The following APIP variants were observed in gnomAD, a reference collection of about 807,000 sequenced individuals.
The protein encoded by APIP is methylthioribulose-1-phosphate dehydratase.
APIP carries 32 observed loss-of-function variants against 32.0 expected under a neutral mutation model. The ratio of observed to expected loss-of-function variants is 1.00; its 90% CI spans 0.76 to 1.34. The LOEUF (loss-of-function observed/expected upper bound fraction) is 1.34, where lower values mean the gene tolerates loss of function less well. APIP is among the 40% of genes most tolerant of loss of function. APIP has a pLI of 0.00. For missense variants in APIP, 247 were observed against 298.6 expected (o/e 0.83, Z 1.27); for synonymous variants, 92 against 94.8 (o/e 0.97, Z 0.17).
chr11:34,916,171 G>C lies in APIP; in HGVS notation c.57+57C>G, dbSNP rs988171497. 145 of 1,572,700 alleles carry C rather than the reference G, an allele frequency of 9.2e-5. No individual in the cohort carries two copies. The highest frequency in any genetic ancestry group is 1.2e-4 in the Non-Finnish European group (140 of 1,161,368). On this transcript the variant is annotated intron_variant, in intron 1 of 6. Transcript: ENST00000395787. ...ACCCTGCGCCCAGCTCCAGCCGCCGGGTCCCGCCTGGGCCTCTCCTCCTGG... is the reference window on the plus strand; with the variant it reads ...ACCCTGCGCCCAGCTCCAGCCGCCGCGTCCCGCCTGGGCCTCTCCTCCTGG...
chr11:34,913,051 C>T (rs7484223), intron 1 of APIP, among the ~76,000 whole-genome samples: 26 of 152,168 alleles, frequency 1.7e-4, no homozygotes, highest in African/African-American at 6.3e-4. Flanking sequence ...TTTCTCACTA[C>T]ACACATCTAA....
chr11:34,886,310 A>G (rs535206810), intron 5 of APIP, among the ~76,000 whole-genome samples: 1 of 152,122 alleles, frequency 6.6e-6, no homozygotes, highest in South Asian at 2.1e-4. Flanking sequence ...AGATTTTAAC[A>G]AAAAAAATTT....
At chr11:34,908,532 C>CCCT (rs1853492238) in intron 1 of APIP, among the ~76,000 whole-genome samples, 1 of 152,210 alleles carries the variant, frequency 6.6e-6, no homozygotes, top group Non-Finnish European at 1.5e-5. Flanking sequence ...CACTTAAAAA[C>CCCT]CCTCCTCCTC....
rs1853117322 is a variant in APIP at position 34,888,358 on chromosome 11, C to T, written c.396G>A (p.Glu132=). The T allele has an allele frequency of 1.9e-6, 3 of 1,610,854 alleles. No individual in the cohort carries two copies. Among genetic ancestry groups the T allele is most frequent in the African/African-American group, 1.3e-5 (1 of 74,732 alleles). The change falls in exon 5 of 7, where the codon GAG becomes GAA. Residue 132 remains glutamate, a synonymous_variant. Transcript: ENST00000395787. ...VMATLLFPGR[E]FKITHQEMIK... ...TCATCTCTTGATGTGTAATTTTAAA[C>T]TCCCGTCCTGGAAAGAGAAGTGTGG...
chr11:34,888,778 AGAG>A lies in APIP; in HGVS notation c.296_298del (p.Pro99del). ...TCTCATTGTGTAAGCATTCATGAAAAGAGGAGTACACTGGCTTTTTTTTAGCTT... is the reference window on the plus strand; with the variant it reads ...TCTCATTGTGTAAGCATTCATGAAAAGAGTACACTGGCTTTTTTTTAGCTT... On this transcript the variant is annotated inframe_deletion, in exon 4 of 7. Coordinates refer to ENST00000395787, the MANE Select transcript of APIP (RefSeq NM_015957.4). 1 of 1,525,434 alleles carries A rather than the reference AGAG, an allele frequency of 6.6e-7. No individual in the cohort carries two copies. The highest frequency in any genetic ancestry group is 8.7e-7 in the Non-Finnish European group (1 of 1,150,268). The allele number at this position is 1,525,434 out of a possible 1,614,324, so 94.5% of individuals were successfully genotyped here. A position where few individuals can be genotyped will look rare whatever the true frequency, so the allele number is the denominator to read the frequency against.
At chr11:34,884,849 T>TA (rs1270897919) in intron 5 of APIP, among the ~76,000 whole-genome samples, 1 of 151,984 alleles carries the variant, frequency 6.6e-6, no homozygotes, top group Non-Finnish European at 1.5e-5. Flanking sequence ...TAGTCAGAAA[T>TA]ATTTTCAGGA....
At position 34,888,381 on chromosome 11, in the gene APIP, T is replaced by C; in HGVS notation, c.373A>G (p.Thr125Ala). The C allele has an allele frequency of 6.2e-7, 1 of 1,610,424 alleles. No homozygotes were observed. Among genetic ancestry groups the C allele is most frequent in the Non-Finnish European group, 8.5e-7 (1 of 1,178,338 alleles). The change falls in exon 5 of 7, where the codon ACA (threonine) becomes GCA (alanine). Residue 125 changes from threonine (T) to alanine (A), a missense_variant. Transcript: ENST00000395787. ...HTHSKAAVMA[T>A]LLFPGREFKI... ...AACTCCCGTCCTGGAAAGAGAAGTG[T>C]GGCCATCACAGCAGCTTTAGAGTGG...
rs1257086370 is a variant in APIP, at chr11:34,898,817, G to A, written c.58-3707C>T. Among the ~76,000 whole-genome samples the A allele has an allele frequency of 5.9e-5, 3 of 51,206 alleles. No homozygotes were observed. The South Asian group carries it at 2.1e-3, about 36-fold the overall frequency. The allele number at this position is 51,206 out of a possible 152,430, so 33.6% of individuals were successfully genotyped here. On this transcript the variant is annotated intron_variant, in intron 1 of 6. Coordinates refer to ENST00000395787, the MANE Select transcript of APIP (RefSeq NM_015957.4). ...TTTTTTTTTTTTTTTTTTTTTTTTT[G>A]AGGCAGAGTCTCGCTCTTTCGCCCA...
intron 5 of APIP, among the ~76,000 whole-genome samples, chr11:34,884,813 C>T (rs989379477): frequency 2.0e-5 from 3 of 151,778 alleles, no homozygotes; most frequent in Non-Finnish European, 2.9e-5. Context: ...GAACCATAAA[C>T]ATATTTTTCT....
intron 1 of APIP, among the ~76,000 whole-genome samples, chr11:34,903,122 C>T (rs12275620): frequency 0.19 from 28,821 of 152,168 alleles, 3,904 homozygotes; most frequent in African/African-American, 0.39. Flanking sequence ...GTTCCAACAT[C>T]CAATTAAAGA....
chr11:34,892,866 A>C (rs912451109), intron 2 of APIP, among the ~76,000 whole-genome samples: 2 of 152,166 alleles, frequency 1.3e-5, no homozygotes, highest in African/African-American at 4.8e-5. Context: ...TTTCACTAAC[A>C]ACATGAGAAT....
chr11:34,915,780 T>C (rs965918753), intron 1 of APIP: 3 of 201,850 alleles, frequency 1.5e-5, no homozygotes, highest in Admixed American at 5.9e-5. Flanking sequence ...GAGGCACAGC[T>C]CCGGTTCGGC....
intron 4 of APIP, 140 bp from the exon 5 acceptor site, chr11:34,888,568 G>A: frequency 7.6e-7 from 1 of 1,312,410 alleles, no homozygotes; most frequent in Non-Finnish European, 1.0e-6. Flanking sequence ...TTGGTAGTAG[G>A]CAGGAGGGTA....
intron 4 of APIP, 61 bp from the exon 5 acceptor site, chr11:34,888,489 A>G (rs993081799): frequency 6.4e-7 from 1 of 1,573,200 alleles, no homozygotes; most frequent in East Asian, 2.3e-5. Flanking sequence ...TTTTAAAGAA[A>G]AAAAGTCCAT....
At chr11:34,894,468 A>AAAC (rs1853234476) in intron 2 of APIP, among the ~76,000 whole-genome samples, 1 of 24,508 alleles carries the variant, frequency 4.1e-5, no homozygotes, top group Non-Finnish European at 1.2e-4. Context: ...CAGTCTCTAC[A>AAAC]AAAAAAAAAA....
At chr11:34,899,766 T>C (rs996135167) in intron 1 of APIP, among the ~76,000 whole-genome samples, 3 of 152,164 alleles carry the variant, frequency 2.0e-5, no homozygotes, top group Non-Finnish European at 2.9e-5. Flanking sequence ...CCTACAGTCA[T>C]GGGCAGCACA....
chr11:34,911,479 T>TA (rs34299802), intron 1 of APIP, among the ~76,000 whole-genome samples: 90,330 of 151,766 alleles, frequency 0.6, 28,096 homozygotes, highest in East Asian at 0.74. Flanking sequence ...TCTCTTACAT[T>TA]AAAAAAAGTC....
intron 1 of APIP, chr11:34,896,924 A>C: frequency 1.4e-6 from 1 of 736,986 alleles, no homozygotes; most frequent in Non-Finnish European, 2.0e-6. Flanking sequence ...CCCCACATAA[A>C]CTGGAGACCC....
chr11:34,903,870 A>T (rs1303809226), intron 1 of APIP, among the ~76,000 whole-genome samples: 1 of 152,238 alleles, frequency 6.6e-6, no homozygotes, highest in Non-Finnish European at 1.5e-5. Flanking sequence ...CCTCCAGCCA[A>T]TGGAAAATCC....
Sources: allele counts gnomAD v4.1 joint callset (sites outside exome capture counted in the v4.1 genomes callset), GRCh38; gene constraint gnomAD v4.1.1; transcripts MANE v1.5; gene names NCBI Gene and HGNC (gene_info 2026-07-23, HGNC 2026-07-21).